ENPP3: variants seen among roughly 807,000 people sequenced by gnomAD.
ENPP3 encodes the protein ectonucleotide pyrophosphatase/phosphodiesterase 3, also known as ectonucleotide pyrophosphatase/phosphodiesterase family member 3.
In ENPP3, 104 loss-of-function variants were observed where a neutral mutation model predicts 117.8. The ratio of observed to expected loss-of-function variants is 0.88; its 90% CI spans 0.75 to 1.04. ENPP3 has a LOEUF of 1.04. Ranked by LOEUF, ENPP3 falls within the 50% of genes least tolerant of loss-of-function variation. The pLI, the probability that ENPP3 is intolerant of heterozygous loss-of-function variation, is 0.00. For synonymous variants in ENPP3, 380 were observed against 349.9 expected (o/e 1.09, Z -0.96); for missense variants, 1,026 against 1,051.9 (o/e 0.98, Z 0.34).
intron 5 of ENPP3, among the ~76,000 whole-genome samples, chr6:131,657,470 A>G (rs1227460741): frequency 3.3e-5 from 5 of 152,202 alleles, no homozygotes; most frequent in Admixed American, 1.3e-4. Flanking sequence ...ATTGGAAAGT[A>G]CTCAAGTGCC....
At chr6:131,677,355 C>T (rs772688174) in intron 10 of ENPP3, among the ~76,000 whole-genome samples, 2 of 152,220 alleles carry the variant, frequency 1.3e-5, no homozygotes. Flanking sequence ...TATCACAGAA[C>T]CAGAGCCAGA....
At chr6:131,693,176 A>G (rs1258994486) in intron 14 of ENPP3, among the ~76,000 whole-genome samples, 2 of 150,108 alleles carry the variant, frequency 1.3e-5, no homozygotes, top group Non-Finnish European at 3.0e-5. Context: ...TCATAATTTA[A>G]ATCAGATTTT....
intron 14 of ENPP3, among the ~76,000 whole-genome samples, chr6:131,686,839 G>T (rs910885214): frequency 2.0e-5 from 3 of 152,138 alleles, no homozygotes; most frequent in Non-Finnish European, 2.9e-5. Context: ...CAAAGGACAT[G>T]ATTTCATTCT....
chr6:131,682,354 C>T (rs903339211), intron 11 of ENPP3, among the ~76,000 whole-genome samples: 1 of 151,968 alleles, frequency 6.6e-6, no homozygotes, highest in African/African-American at 2.4e-5. Context: ...ATTAGCCAGG[C>T]ATGATGGTGT....
chr6:131,718,680 C>T lies in ENPP3; in HGVS notation c.1421C>T (p.Ser474Leu). 1 of 1,583,210 alleles carries T rather than the reference C, an allele frequency of 6.3e-7. No individual in the cohort carries two copies. Among genetic ancestry groups the T allele is most frequent in the Non-Finnish European group, 8.7e-7 (1 of 1,154,124 alleles). ...DQQWLAVRSK[S>L]NTNCGGGNHG... The stretch of plus-strand genomic sequence containing the variant: ...ATATTTTTTCTTTATAGGAGTAAAT[C>T]AAATACAAATTGTGGAGGAGGCAAC... The change falls in exon 16 of 25, where the codon TCA becomes TTA. Residue 474 changes from serine (S) to leucine (L), a missense_variant. Ser to Leu is a moderately radical substitution (Grantham distance 145). Coordinates refer to ENST00000357639, the MANE Select transcript of ENPP3 (RefSeq NM_005021.5).
chr6:131,693,733 T>C, intron 15 of ENPP3, 109 bp downstream of exon 15: 1 of 1,163,850 alleles, frequency 8.6e-7, no homozygotes, highest in East Asian at 2.4e-5. Context: ...TTCCTGAGCA[T>C]TGACATTTTC....
Position 131,683,130 on chromosome 6 carries a change from A to G in ENPP3, c.1088A>G (p.Asn363Ser). The part of the protein sequence containing the change: ...MEGLKQRNLH[N>S]CVNIILLADH... ...GGCCTGAAGCAGCGGAATTTGCACA[A>G]CTGTGTCAATATCATCCTTCTGGCT... is the stretch of plus-strand genomic sequence containing the variant. Residue 363 changes from asparagine to serine, a missense_variant, in exon 12 of 25, where the codon AAC becomes AGC. Transcript: ENST00000357639. 2 of 1,609,554 alleles carry G rather than the reference A, an allele frequency of 1.2e-6. No homozygotes were observed. The highest frequency in any genetic ancestry group is 1.7e-6 in the Non-Finnish European group (2 of 1,175,982).
intron 14 of ENPP3, among the ~76,000 whole-genome samples, chr6:131,690,310 A>G (rs1343309323): frequency 1.3e-5 from 2 of 152,206 alleles, no homozygotes; most frequent in Non-Finnish European, 2.9e-5. Flanking sequence ...TTTCTGTCTC[A>G]TTTTAAGAAA....
At chr6:131,668,198 C>T (rs1034655201) in intron 6 of ENPP3, among the ~76,000 whole-genome samples, 2 of 143,528 alleles carry the variant, frequency 1.4e-5, no homozygotes, top group Admixed American at 7.0e-5. Flanking sequence ...GTCGGAGTCT[C>T]GCTCTGCGTT....
In ENPP3 at chr6:131,694,664, C is replaced by CA. The variant is rs1375808861; in HGVS notation, c.1412+1046dup. ...AGCCTGGCCAACGTGAAGAAAAATA[C>CA]AAAAAATTAATAAAAATACAAAAAT... On this transcript the variant is annotated intron_variant, in intron 15 of 24. Coordinates refer to ENST00000357639, the MANE Select transcript of ENPP3 (RefSeq NM_005021.5). Among the ~76,000 whole-genome samples, 24 of 151,922 alleles carry CA rather than the reference C, an allele frequency of 1.6e-4. No individual in the cohort carries two copies. The East Asian group carries it at 4.5e-3, about 28-fold the overall frequency.
intron 5 of ENPP3, among the ~76,000 whole-genome samples, chr6:131,656,185 A>T (rs1373705388): frequency 6.6e-6 from 1 of 152,130 alleles, no homozygotes; most frequent in East Asian, 1.9e-4. Flanking sequence ...TGGGTAAACT[A>T]CCTGATCCTG....
chr6:131,704,474 CT>C (rs1192267696), intron 15 of ENPP3, among the ~76,000 whole-genome samples: 17,354 of 125,654 alleles, frequency 0.14, 954 homozygotes, highest in African/African-American at 0.27. Context: ...TGAAAATTTT[CT>C]TTTTTTTTTT....
At chr6:131,644,538 A>C (rs1778117445) in intron 2 of ENPP3, among the ~76,000 whole-genome samples, 1 of 152,202 alleles carries the variant, frequency 6.6e-6, no homozygotes, top group Non-Finnish European at 1.5e-5. Context: ...ATGACCCCAG[A>C]ATTTTTGTAT....
Position 131,683,089 on chromosome 6 carries a change from T to C in ENPP3, c.1047T>C (p.Phe349=), listed in dbSNP as rs762298039. The change falls in exon 12 of 25, where the codon TTT becomes TTC. Residue 349 remains phenylalanine (F), a synonymous_variant. Transcript: ENST00000357639. ...CCTTACAGGTAGTAGATCATGCTTT[T>C]GGGATGTTGATGGAAGGCCTGAAGC... ...IKALQVVDHA[F]GMLMEGLKQR... The C allele has an allele frequency of 3.3e-5, 53 of 1,611,872 alleles. No individual in the cohort carries two copies. Among genetic ancestry groups the C allele is most frequent in the Non-Finnish European group, 4.2e-5 (50 of 1,178,170 alleles).
intron 15 of ENPP3, among the ~76,000 whole-genome samples, chr6:131,702,504 C>A (rs577146563): frequency 6.6e-6 from 1 of 151,956 alleles, no homozygotes; most frequent in South Asian, 2.1e-4. Context: ...GTGTCATTAT[C>A]TAAACACGAA....
chr6:131,685,435 A>T lies in ENPP3; in HGVS notation c.1192A>T (p.Met398Leu). The change falls in exon 13 of 25, where the codon ATG becomes TTG. Residue 398 changes from methionine (M) to leucine (L), a missense_variant. By Grantham distance (15) the Met-to-Leu change is conservative. Coordinates refer to ENST00000357639, the MANE Select transcript of ENPP3 (RefSeq NM_005021.5). ...DYFPRINFFYMYEGPAPRIRA... is the reference protein window; with the variant it reads ...DYFPRINFFYLYEGPAPRIRA... The stretch of plus-strand genomic sequence containing the variant: ...TTTTCCCAGAATAAACTTCTTCTAC[A>T]TGTACGAAGGGCCTGCCCCCCGCAT... 6.2e-7 allele frequency: 1 copy of T among 1,613,962 alleles called. No homozygotes were observed.
intron 1 of ENPP3, among the ~76,000 whole-genome samples, chr6:131,640,798 A>G (rs1371898970): frequency 6.6e-6 from 1 of 152,180 alleles, no homozygotes; most frequent in East Asian, 1.9e-4. Flanking sequence ...CTTTTTAATT[A>G]TATCATAGTT....
At chr6:131,692,799 T>TGA (rs1779309748) in intron 14 of ENPP3, among the ~76,000 whole-genome samples, 1 of 144,230 alleles carries the variant, frequency 6.9e-6, no homozygotes, top group African/African-American at 2.6e-5. Flanking sequence ...TAATATGTAG[T>TGA]TATATATGAT....
chr6:131,641,925 G>T (rs1372859176), intron 2 of ENPP3, among the ~76,000 whole-genome samples: 1 of 146,694 alleles, frequency 6.8e-6, no homozygotes, highest in African/African-American at 2.6e-5. Context: ...CTCCCAAGTA[G>T]CTGGGACCAC....
Sources: gnomAD v4.1 joint callset for allele counts (sites outside exome capture counted in the v4.1 genomes callset) on GRCh38, gnomAD v4.1.1 for gene constraint, MANE v1.5 for transcripts, NCBI Gene and HGNC (gene_info 2026-07-23, HGNC 2026-07-21) for gene names.